TRUB1: variants seen among roughly 807,000 people sequenced by gnomAD.
TRUB1 encodes the protein TruB pseudouridine synthase family member 1.
TRUB1 carries 23 observed loss-of-function variants against 33.9 expected under a neutral mutation model. That is an observed-to-expected ratio of 0.68 (90% CI 0.49 to 0.96). The LOEUF is 0.96. TRUB1 is among the 40% of genes least tolerant of loss of function. The pLI, the probability that TRUB1 is intolerant of heterozygous loss-of-function variation, is 0.00. For synonymous variants in TRUB1, 163 were observed against 165.4 expected, an observed-to-expected ratio of 0.99 and a Z score of 0.11; for missense variants, 378 against 422.2, an observed-to-expected ratio of 0.90 and a Z score of 0.92.
In TRUB1 at chr10:114,975,616, G is replaced by T; in HGVS notation, c.*237G>T. 1 of 325,378 alleles carries T rather than the reference G, an allele frequency of 3.1e-6. No individual in the cohort carries two copies. The highest frequency in any genetic ancestry group is 5.6e-6 in the Non-Finnish European group (1 of 179,214). 20.2% of individuals were successfully genotyped at this position (325,378 alleles called of 1,614,324 possible). The stretch of plus-strand genomic sequence containing the variant: ...GAAATGTTTTAGGATTTTTTGTATT[G>T]TGAAAATATGAATATGATTGGATTC... On this transcript the variant is annotated 3_prime_UTR_variant, in exon 8 of 8. Transcript: ENST00000298746.
rs191216365 is a variant in TRUB1 at position 114,974,308 on chromosome 10, A to G, written c.737-21A>G. The stretch of plus-strand genomic sequence containing the variant: ...TTTCATAGGAGGTTAGCAATTTACT[A>G]TGTCACTGTTAACATTCCAGATGTT... On this transcript the variant is annotated intron_variant, in intron 6 of 7. Coordinates refer to ENST00000298746, the MANE Select transcript of TRUB1 (RefSeq NM_139169.5). 3.2e-4 allele frequency: 518 copies of G among 1,605,198 alleles called. 1 individual carries two copies. The highest frequency in any genetic ancestry group is 4.7e-4 in the Admixed American group (28 of 59,770).
chr10:114,944,329 T>A (rs1248217915), intron 2 of TRUB1, among the ~76,000 whole-genome samples: 1 of 152,178 alleles, frequency 6.6e-6, no homozygotes, highest in Non-Finnish European at 1.5e-5. Flanking sequence ...TTTAAAAGGA[T>A]AAAATCGGTG....
At chr10:114,963,941 G>A (rs1182286165) in intron 4 of TRUB1, among the ~76,000 whole-genome samples, 1 of 151,394 alleles carries the variant, frequency 6.6e-6, no homozygotes, top group Non-Finnish European at 1.5e-5. Context: ...TTTCTTTTGG[G>A]TATATACCCA....
At chr10:114,974,250 TTG>T (rs2084349970) in intron 6 of TRUB1, 77 bp from the exon 7 acceptor site, 6 of 1,042,048 alleles carry the variant, frequency 5.8e-6, no homozygotes, top group Non-Finnish European at 5.9e-6. Context: ...ATTTTTACAT[TTG>T]TTTAGGGACA....
At chr10:114,951,208 G>T in intron 3 of TRUB1, 59 bp downstream of exon 3, 1 of 1,371,940 alleles carries the variant, frequency 7.3e-7, no homozygotes. Flanking sequence ...TACATGTATT[G>T]GGTTTTTATC....
intron 7 of TRUB1, among the ~76,000 whole-genome samples, chr10:114,974,830 T>C (rs776093887): frequency 6.6e-6 from 1 of 152,174 alleles, no homozygotes; most frequent in Non-Finnish European, 1.5e-5. Flanking sequence ...TATGATCTCA[T>C]CTGTAAAGTG....
At chr10:114,943,326 T>G (rs2084197037) in intron 2 of TRUB1, among the ~76,000 whole-genome samples, 1 of 152,034 alleles carries the variant, frequency 6.6e-6, no homozygotes, top group South Asian at 2.1e-4. Flanking sequence ...GGTCAGGAAT[T>G]CGAGACGAGC....
chr10:114,974,693 A>C (rs2084352156), intron 7 of TRUB1, among the ~76,000 whole-genome samples: 2 of 152,166 alleles, frequency 1.3e-5, no homozygotes, highest in African/African-American at 4.8e-5. Context: ...CAAAAAAAAA[A>C]AAAGATTTAA....
rs2084359297 is a variant in TRUB1 at position 114,976,139 on chromosome 10, C to G, written c.*760C>G. ...GTCAACATGGTCAAGCACTTTGTAC[C>G]AAGTTATTAAGTAACATAATTTTTA... On this transcript the variant is annotated 3_prime_UTR_variant, in exon 8 of 8. Transcript: ENST00000298746. 6.6e-6 allele frequency: 1 copy of G among 152,488 alleles called. No individual in the cohort carries two copies. The highest frequency in any genetic ancestry group is 1.5e-5 in the Non-Finnish European group (1 of 67,996). The allele number at this position is 152,488 out of a possible 1,614,324, so 9.4% of individuals were successfully genotyped here. A position where few individuals can be genotyped will look rare whatever the true frequency, so the allele number is the denominator to read the frequency against.
rs1592055764 is a variant in TRUB1, at chr10:114,975,426, G to T, written c.*47G>T. Reference sequence around the variant, plus strand: ...ATTTTCTAGTTGACATTTGAATCCTGTGTGCAGATGCAGAATGACAAGCTG... The same window carrying T: ...ATTTTCTAGTTGACATTTGAATCCTTTGTGCAGATGCAGAATGACAAGCTG... On this transcript the variant is annotated 3_prime_UTR_variant, in exon 8 of 8. Transcript: ENST00000298746. 1 of 1,480,654 alleles carries T rather than the reference G, an allele frequency of 6.8e-7. No homozygotes were observed. Among genetic ancestry groups the T allele is most frequent in the Non-Finnish European group, 9.0e-7 (1 of 1,114,038 alleles). 91.7% of individuals were successfully genotyped at this position (1,480,654 alleles called of 1,614,324 possible).
chr10:114,974,413 T>C (rs982664083), intron 7 of TRUB1, 28 bp downstream of exon 7: 1 of 1,578,550 alleles, frequency 6.3e-7, no homozygotes, highest in African/African-American at 1.3e-5. Context: ...TTATGAATTA[T>C]CATTTAGAGA....
intron 6 of TRUB1, 102 bp from the exon 7 acceptor site, chr10:114,974,227 G>A: frequency 1.2e-6 from 1 of 811,076 alleles, no homozygotes; most frequent in Non-Finnish European, 2.1e-6. Context: ...TCACTCAATT[G>A]TTTGCATAGT....
chr10:114,960,221 C>T (rs1457537676), intron 4 of TRUB1, among the ~76,000 whole-genome samples: 1 of 152,090 alleles, frequency 6.6e-6, no homozygotes, highest in Admixed American at 6.5e-5. Context: ...TACTTTAAAA[C>T]TTGTCATGTT....
intron 4 of TRUB1, among the ~76,000 whole-genome samples, chr10:114,961,938 C>T (rs940385164): frequency 1.3e-5 from 2 of 152,134 alleles, no homozygotes; most frequent in Non-Finnish European, 2.9e-5. Flanking sequence ...GCCTTCTTTA[C>T]TATCCTGAAA....
At chr10:114,952,064 C>A (rs969358235) in intron 3 of TRUB1, among the ~76,000 whole-genome samples, 2 of 152,170 alleles carry the variant, frequency 1.3e-5, no homozygotes, top group African/African-American at 4.8e-5. Flanking sequence ...AAATAAGTTT[C>A]TACGCAATCT....
At chr10:114,942,212 G>GA (rs1422230991) in intron 1 of TRUB1, among the ~76,000 whole-genome samples, 2 of 152,174 alleles carry the variant, frequency 1.3e-5, no homozygotes, top group African/African-American at 4.8e-5. Flanking sequence ...TAGGTAGCTG[G>GA]AGATAGCAGC....
In TRUB1 at chr10:114,975,993, A is replaced by G. The variant is rs1181908235; in HGVS notation, c.*614A>G. The G allele has an allele frequency of 2.6e-5, 4 of 152,554 alleles. No individual in the cohort carries two copies. The South Asian group carries it at 6.2e-4, about 24-fold the overall frequency. The allele number at this position is 152,554 out of a possible 1,614,324, so 9.5% of individuals were successfully genotyped here. On this transcript the variant is annotated 3_prime_UTR_variant, in exon 8 of 8. Coordinates refer to ENST00000298746, the MANE Select transcript of TRUB1 (RefSeq NM_139169.5). Reference sequence around the variant, plus strand: ...GTAAATGAACCAAATTATTACTGCTACCACTAACAGGTTGTAAATAGAAGA... The same window carrying G: ...GTAAATGAACCAAATTATTACTGCTGCCACTAACAGGTTGTAAATAGAAGA...
intron 3 of TRUB1, among the ~76,000 whole-genome samples, chr10:114,957,569 A>G (rs2084267000): frequency 1.3e-5 from 2 of 152,078 alleles, no homozygotes; most frequent in South Asian, 4.1e-4. Flanking sequence ...CATGCTGTGG[A>G]GGTGGGTAAA....
Position 114,977,656 on chromosome 10 carries a change from A to G in TRUB1, c.*2277A>G, listed in dbSNP as rs1476622630. 4.6e-5 allele frequency: 7 copies of G among 151,946 alleles called. No individual in the cohort carries two copies. Among genetic ancestry groups the G allele is most frequent in the African/African-American group, 1.7e-4 (7 of 41,420 alleles). 9.4% of individuals were successfully genotyped at this position (151,946 alleles called of 1,614,324 possible). A position where few individuals can be genotyped will look rare whatever the true frequency, so the allele number is the denominator to read the frequency against. ...TATACTTTGTTCATTTATATAAATAAATGTCTTAATGGTTTCTATACATAT... is the reference window on the plus strand; with the variant it reads ...TATACTTTGTTCATTTATATAAATAGATGTCTTAATGGTTTCTATACATAT... On this transcript the variant is annotated 3_prime_UTR_variant, in exon 8 of 8. Coordinates refer to ENST00000298746, the MANE Select transcript of TRUB1 (RefSeq NM_139169.5).
Sources: allele counts gnomAD v4.1 joint callset (sites outside exome capture counted in the v4.1 genomes callset), GRCh38; gene constraint gnomAD v4.1.1; transcripts MANE v1.5; gene names NCBI Gene and HGNC (gene_info 2026-07-23, HGNC 2026-07-21).